ADGRE2: variants seen among roughly 807,000 people sequenced by gnomAD.
The protein encoded by ADGRE2 is adhesion G protein-coupled receptor E2.
A neutral mutation model predicts 100.8 loss-of-function variants in ADGRE2; 83 were observed. The observed-to-expected ratio is 0.82, with a 90% CI of 0.69 to 0.99. The LOEUF (loss-of-function observed/expected upper bound fraction) is 0.99. Ranked by LOEUF, ADGRE2 falls within the 50% of genes least tolerant of loss-of-function variation. The pLI, the probability that ADGRE2 is intolerant of heterozygous loss-of-function variation, is 0.00. For synonymous variants in ADGRE2, 355 were observed against 413.0 expected (o/e 0.86, Z 1.70); for missense variants, 814 against 1,035.7 (o/e 0.79, Z 2.94).
chr19:14,742,345 C>T (rs1263250968), intron 20 of ADGRE2, among the ~76,000 whole-genome samples: 2 of 152,226 alleles, frequency 1.3e-5, no homozygotes, highest in Admixed American at 1.3e-4. Context: ...GATCCTCTCA[C>T]CTCAGCTTCC....
chr19:14,751,087 C>T (rs2043268731), intron 16 of ADGRE2, among the ~76,000 whole-genome samples: 1 of 152,076 alleles, frequency 6.6e-6, no homozygotes, highest in Non-Finnish European at 1.5e-5. Context: ...CACAGGGATT[C>T]CAGGTGCGAG....
chr19:14,735,552 T>G lies in ADGRE2; in HGVS notation c.*684A>C, dbSNP rs1397911708. On this transcript the variant is annotated 3_prime_UTR_variant, in exon 21 of 21. Transcript: ENST00000315576. ...CTGAGATTAGAAACTTTTCTGCATG[T>G]TGGTGTGAAGACGAAAGAAGACAGT... The G allele has an allele frequency of 6.6e-6, 1 of 152,186 alleles. No homozygotes were observed. Among genetic ancestry groups the G allele is most frequent in the East Asian group, 1.9e-4 (1 of 5,196 alleles). 9.4% of individuals were successfully genotyped at this position (152,186 alleles called of 1,614,324 possible).
chr19:14,776,980 A>ACACACACACACACT, intron 1 of ADGRE2, 53 bp from the exon 2 acceptor site: 1 of 638,488 alleles, frequency 1.6e-6, no homozygotes. Flanking sequence ...GGCGCTGCAC[A>ACACACACACACACT]CACACACACA....
At chr19:14,725,310 A>G in the ADGRE2 span, among the ~76,000 whole-genome samples, 1 of 152,168 alleles carries the variant, frequency 6.6e-6, no homozygotes, top group Non-Finnish European at 1.5e-5. Flanking sequence ...CATCTCCAAT[A>G]TTGGGGATTA....
chr19:14,746,323 C>CGGTGG lies in ADGRE2; in HGVS notation c.2092-1_2092insCCACC (p.Val698ProfsTer3). On this transcript the variant is annotated frameshift_variant and splice_region_variant. Transcript: ENST00000315576. LOFTEE classifies it high-confidence loss of function. ...GTCACCAGAAAGAGAACTAAATTCA[C>CGGTGG]CTTCAGAAAACCACAGAAGATTTGT... 1 of 1,575,642 alleles carries CGGTGG rather than the reference C, an allele frequency of 6.3e-7. No individual in the cohort carries two copies. The highest frequency in any genetic ancestry group is 1.4e-5 in the African/African-American group (1 of 73,578).
intron 4 of ADGRE2, among the ~76,000 whole-genome samples, chr19:14,773,304 T>TC (rs1568627606): frequency 8.2e-5 from 12 of 145,990 alleles, no homozygotes; most frequent in South Asian, 2.3e-4. Context: ...CTTCCTTCCT[T>TC]CTTTCCTCCC....
downstream of ADGRE2, chr19:14,731,442 T>A: frequency 1.9e-6 from 1 of 518,544 alleles, no homozygotes; most frequent in East Asian, 3.2e-5. Context: ...CTAAGGCCTG[T>A]GTGGGTCTTT....
At chr19:14,774,815 AGGCACCCACCATGGTGCCT>A (rs2044374564) in intron 2 of ADGRE2, among the ~76,000 whole-genome samples, 1 of 149,752 alleles carries the variant, frequency 6.7e-6, no homozygotes, top group Admixed American at 6.8e-5. Context: ...CTGGGACTAC[AGGCACCCACCATGGTGCCT>A]GGCTAATTTT....
chr19:14,755,281 A>G (rs8105218), intron 13 of ADGRE2, among the ~76,000 whole-genome samples, 154 bp from the exon 14 acceptor site: 1 of 140,938 alleles, frequency 7.1e-6, no homozygotes, highest in African/African-American at 2.5e-5. Flanking sequence ...TAAAAAAAAA[A>G]AAAAAAAAAA....
intron 5 of ADGRE2, chr19:14,768,980 C>CT (rs1483156204): frequency 6.6e-6 from 1 of 152,268 alleles, no homozygotes; most frequent in Non-Finnish European, 1.5e-5. Flanking sequence ...TGTGTGGAGA[C>CT]TGTCTCATCC....
intron 20 of ADGRE2, among the ~76,000 whole-genome samples, chr19:14,742,514 G>A (rs2042961890): frequency 6.6e-6 from 1 of 152,182 alleles, no homozygotes; most frequent in African/African-American, 2.4e-5. Flanking sequence ...TTACAGGCAT[G>A]AGCCACCATC....
At chr19:14,746,182 C>G (rs1366414531) in intron 18 of ADGRE2, 50 bp downstream of exon 18, 2 of 1,175,178 alleles carry the variant, frequency 1.7e-6, no homozygotes, top group African/African-American at 3.2e-5. Context: ...TGGCTTGGCT[C>G]TTGGGAACCA....
At position 14,743,705 on chromosome 19, in the gene ADGRE2, C is replaced by T; in HGVS notation, c.2263G>A (p.Ala755Thr). The T allele has an allele frequency of 2.7e-5, 44 of 1,614,144 alleles. No individual in the cohort carries two copies. Among genetic ancestry groups the T allele is most frequent in the Non-Finnish European group, 3.6e-5 (43 of 1,180,018 alleles). The change falls in exon 19 of 21, where the codon GCT (alanine) becomes ACT (threonine). Residue 755 changes from alanine to threonine, a missense_variant. Physicochemically the swap from Ala to Thr is moderately conservative, Grantham distance 58 (BLOSUM62 0). This residue lies in a region of ADGRE2 where 569 missense variants were observed against 692.7 expected (regional missense o/e 0.82). Transcript: ENST00000315576. Reference protein sequence around the residue: ...WCLGILQVGPAARVMAYLFTI... With the variant: ...WCLGILQVGPTARVMAYLFTI... ...AAGAGGTAGGCCATGACCCGGGCAGCCGGACCCACCTGCAAGATGCCCAGA... is the reference window on the plus strand; with the variant it reads ...AAGAGGTAGGCCATGACCCGGGCAGTCGGACCCACCTGCAAGATGCCCAGA...
At chr19:14,772,263 C>T (rs1274152122) in intron 5 of ADGRE2, 79 bp downstream of exon 5, 9 of 1,589,074 alleles carry the variant, frequency 5.7e-6, no homozygotes, top group Non-Finnish European at 7.8e-6. Context: ...GGTACCTGCT[C>T]CCTGGATGCT....
At chr19:14,770,678 T>C (rs1245520021) in intron 5 of ADGRE2, among the ~76,000 whole-genome samples, 5 of 121,340 alleles carry the variant, frequency 4.1e-5, no homozygotes, top group African/African-American at 6.3e-5. Context: ...TCTTTTTTTT[T>C]TTTTTTTTTT....
chr19:14,777,296 G>A (rs2044478346), intron 1 of ADGRE2, among the ~76,000 whole-genome samples: 1 of 152,234 alleles, frequency 6.6e-6, no homozygotes, highest in South Asian at 2.1e-4. Context: ...GGCAGAGCCT[G>A]CGTCCCAGCT....
rs1223755073 is a variant in ADGRE2, at chr19:14,736,665, A to AATATATATATTTAGAAAT, written c.2464-439_2464-422dup. 4.3e-5 allele frequency among the ~76,000 whole-genome samples: 6 copies of AATATATATATTTAGAAAT among 140,054 alleles called. No individual in the cohort carries two copies. In the East Asian group the frequency reaches 6.3e-4, roughly 15 times the overall value. The allele number at this position is 140,054 out of a possible 152,430, so 91.9% of individuals were successfully genotyped here. A position where few individuals can be genotyped will look rare whatever the true frequency, so the allele number is the denominator to read the frequency against. ...ATTTAGAAATACATAGATATTTCTA[A>AATATATATATTTAGAAAT]ATATATATATTTAGAAATATATAGA... On this transcript the variant is annotated intron_variant, in intron 20 of 20. Transcript: ENST00000315576.
chr19:14,759,160 T>C (rs2043610751), intron 11 of ADGRE2, among the ~76,000 whole-genome samples: 1 of 152,046 alleles, frequency 6.6e-6, no homozygotes, highest in Non-Finnish European at 1.5e-5. Flanking sequence ...ACTGTACACG[T>C]GGTTGACAAA....
chr19:14,744,714 C>A (rs2043034115), intron 18 of ADGRE2, among the ~76,000 whole-genome samples: 1 of 151,878 alleles, frequency 6.6e-6, no homozygotes, highest in African/African-American at 2.4e-5. Context: ...CTCGGCCTCC[C>A]AAAGTGTTAG....
Sources: allele counts gnomAD v4.1 joint callset (sites outside exome capture counted in the v4.1 genomes callset), GRCh38; gene constraint gnomAD v4.1.1; regional missense constraint gnomAD v4.1.1; transcripts MANE v1.5; gene names NCBI Gene and HGNC (gene_info 2026-07-23, HGNC 2026-07-21).